LRRC4C: variants seen among roughly 807,000 people sequenced by gnomAD.
LRRC4C encodes leucine-rich repeat-containing protein 4C.
A neutral mutation model predicts 33.6 loss-of-function variants in LRRC4C; 5 were observed. The ratio of observed to expected loss-of-function variants is 0.15; its 90% CI spans 0.08 to 0.31. The LOEUF (loss-of-function observed/expected upper bound fraction) is 0.31. Among genes scored for constraint, LRRC4C ranks in the 10% least tolerant of loss-of-function variants. The pLI is 1.00. For synonymous variants in LRRC4C, 329 were observed against 302.0 expected, an observed-to-expected ratio of 1.09 and a Z score of -0.93; for missense variants, 560 against 796.7, an observed-to-expected ratio of 0.70 and a Z score of 3.58.
At position 41,277,920 on chromosome 11, in the gene LRRC4C, C is replaced by T. The variant is rs747740956; in HGVS notation, c.-496+181511G>A. ...ACCTGGAGGACATTATGTTAAATGACTTAAGTCAGGCGCAGAAAGACAAAT... is the reference window on the plus strand; with the variant it reads ...ACCTGGAGGACATTATGTTAAATGATTTAAGTCAGGCGCAGAAAGACAAAT... On this transcript the variant is annotated intron_variant, in intron 1 of 6. Transcript: ENST00000528697. Among the ~76,000 whole-genome samples, 74 of 151,736 alleles carry T rather than the reference C, an allele frequency of 4.9e-4. 1 individual carries two copies. The highest frequency in any genetic ancestry group is 2.8e-4 in the Non-Finnish European group (19 of 67,942).
At chr11:40,994,102 A>T (rs1390887006) in intron 1 of LRRC4C, among the ~76,000 whole-genome samples, 1 of 149,670 alleles carries the variant, frequency 6.7e-6, no homozygotes, top group Non-Finnish European at 1.5e-5. Context: ...GTGTTACTCA[A>T]TTTTTTTGAA....
At chr11:41,161,483 G>A (rs1944468388) in intron 1 of LRRC4C, among the ~76,000 whole-genome samples, 1 of 152,014 alleles carries the variant, frequency 6.6e-6, no homozygotes, top group Non-Finnish European at 1.5e-5. Context: ...TGGTCTTGGG[G>A]GCACACTGAT....
At chr11:40,639,783 C>T (rs1374460207) in intron 3 of LRRC4C, among the ~76,000 whole-genome samples, 1 of 152,188 alleles carries the variant, frequency 6.6e-6, no homozygotes. Context: ...GATGTAAAAT[C>T]TAAGAAATCA....
chr11:40,439,574 C>G (rs1271361037), intron 3 of LRRC4C, among the ~76,000 whole-genome samples: 1 of 151,850 alleles, frequency 6.6e-6, no homozygotes, highest in Admixed American at 6.6e-5. Context: ...CTGCCTCAGC[C>G]TCCCAAGTAG....
chr11:40,541,909 C>CA (rs1327843149), intron 3 of LRRC4C, among the ~76,000 whole-genome samples: 2 of 152,082 alleles, frequency 1.3e-5, no homozygotes, highest in Non-Finnish European at 2.9e-5. Context: ...AACTGACTTC[C>CA]AAAAACCTAA....
intron 2 of LRRC4C, among the ~76,000 whole-genome samples, chr11:40,665,325 A>T (rs7482325): frequency 0.083 from 980 of 11,822 alleles, 16 homozygotes; most frequent in East Asian, 0.16. Flanking sequence ...AAAAAAAAAA[A>T]ATATATATAT....
intron 2 of LRRC4C, among the ~76,000 whole-genome samples, chr11:40,915,067 C>T (rs1306768108): frequency 1.3e-5 from 2 of 152,150 alleles, no homozygotes; most frequent in African/African-American, 4.8e-5. Flanking sequence ...AATGGAAGAA[C>T]ATTCCATGCT....
At chr11:40,412,846 G>A (rs1489906678) in intron 3 of LRRC4C, among the ~76,000 whole-genome samples, 6 of 151,966 alleles carry the variant, frequency 3.9e-5, no homozygotes, top group Non-Finnish European at 8.8e-5. Context: ...TAAGGCATTG[G>A]GTTGTTGTGA....
At chr11:40,934,347 T>C (rs1042731596) in intron 1 of LRRC4C, among the ~76,000 whole-genome samples, 4 of 152,180 alleles carry the variant, frequency 2.6e-5, no homozygotes, top group African/African-American at 9.6e-5. Context: ...GTGTTCCTAA[T>C]TCTATGTCCC....
At chr11:40,895,651 A>G (rs1003478820) in intron 2 of LRRC4C, among the ~76,000 whole-genome samples, 2 of 152,188 alleles carry the variant, frequency 1.3e-5, no homozygotes, top group Non-Finnish European at 2.9e-5. Flanking sequence ...TCTCTAAAAA[A>G]TATGTTTTTA....
chr11:40,203,866 C>A (rs764116777), intron 5 of LRRC4C, among the ~76,000 whole-genome samples: 1 of 152,170 alleles, frequency 6.6e-6, no homozygotes, highest in African/African-American at 2.4e-5. Context: ...ATTTCCTGAT[C>A]TTTTTAGCTA....
At chr11:40,864,547 C>G (rs540380480) in intron 2 of LRRC4C, among the ~76,000 whole-genome samples, 1 of 152,188 alleles carries the variant, frequency 6.6e-6, no homozygotes, top group African/African-American at 2.4e-5. Flanking sequence ...TACAGAGAAA[C>G]GTTGATGACT....
chr11:40,871,764 T>G (rs1055039292), intron 2 of LRRC4C, among the ~76,000 whole-genome samples: 3 of 152,134 alleles, frequency 2.0e-5, no homozygotes, highest in Admixed American at 6.6e-5. Flanking sequence ...AAACATAAAA[T>G]GAGTCACACG....
intron 3 of LRRC4C, among the ~76,000 whole-genome samples, chr11:40,337,034 A>G (rs1432775432): frequency 4.1e-5 from 6 of 148,048 alleles, no homozygotes; most frequent in African/African-American, 1.2e-4. Context: ...GGAGTGGAGG[A>G]GAGTGGTCAG....
chr11:40,405,169 C>T (rs905585650), intron 3 of LRRC4C, among the ~76,000 whole-genome samples: 10 of 151,452 alleles, frequency 6.6e-5, no homozygotes, highest in African/African-American at 2.4e-4. Flanking sequence ...ATTCTACATA[C>T]AAATGAGCTC....
At chr11:41,008,711 T>A (rs966194425) in intron 1 of LRRC4C, among the ~76,000 whole-genome samples, 1 of 152,128 alleles carries the variant, frequency 6.6e-6, no homozygotes, top group African/African-American at 2.4e-5. Context: ...TGCCAGTGGT[T>A]TACTTATACC....
At chr11:41,275,600 A>C (rs1949458840) in intron 1 of LRRC4C, among the ~76,000 whole-genome samples, 1 of 152,190 alleles carries the variant, frequency 6.6e-6, no homozygotes, top group African/African-American at 2.4e-5. Context: ...TAGAAATGGA[A>C]CAAAAATGGC....
chr11:41,088,197 G>A (rs1940145286), intron 1 of LRRC4C, among the ~76,000 whole-genome samples: 1 of 152,060 alleles, frequency 6.6e-6, no homozygotes, highest in Non-Finnish European at 1.5e-5. Context: ...TCCCAAATAA[G>A]TAATTTACTT....
chr11:40,367,470 T>G (rs1235337038), intron 3 of LRRC4C, among the ~76,000 whole-genome samples: 3 of 152,096 alleles, frequency 2.0e-5, no homozygotes, highest in Non-Finnish European at 2.9e-5. Context: ...CTTGAAAAAC[T>G]GTCATCACTT....
Sources: gnomAD v4.1 joint callset for allele counts (sites outside exome capture counted in the v4.1 genomes callset) on GRCh38, gnomAD v4.1.1 for gene constraint, MANE v1.5 for transcripts, NCBI Gene and HGNC (gene_info 2026-07-23, HGNC 2026-07-21) for gene names.